MYOM1: variants seen among roughly 807,000 people sequenced by gnomAD.
The protein encoded by MYOM1 is myomesin 1.
MYOM1 carries 164 observed loss-of-function variants against 205.3 expected under a neutral mutation model. The ratio of observed to expected loss-of-function variants is 0.80; its 90% CI spans 0.70 to 0.91. The LOEUF (loss-of-function observed/expected upper bound fraction) is 0.91, where lower values mean the gene tolerates loss of function less well. Among genes scored for constraint, MYOM1 ranks in the 40% least tolerant of loss-of-function variants. MYOM1 has a pLI of 0.00. For missense variants in MYOM1, 2,011 were observed against 2,127.3 expected (o/e 0.95, Z 1.08); for synonymous variants, 772 against 789.4 (o/e 0.98, Z 0.37).
rs148266515 is a variant in MYOM1 at position 3,085,193 on chromosome 18, AT to A, written c.4252-62del. 227,139 of 498,456 alleles carry A rather than the reference AT, an allele frequency of 0.46. 43,649 individuals carry two copies. The highest frequency in any genetic ancestry group is 0.59 in the East Asian group (9,869 of 16,838). The allele number at this position is 498,456 out of a possible 1,614,324, so 30.9% of individuals were successfully genotyped here. The stretch of plus-strand genomic sequence containing the variant: ...GTAGCCCCAGGGCACGGTATCTGTG[AT>A]TTTTTTTTTTCTTCTGCTTCTTCTG... On this transcript the variant is annotated intron_variant, in intron 30 of 37. Coordinates refer to ENST00000356443, the MANE Select transcript of MYOM1 (RefSeq NM_003803.4).
intron 20 of MYOM1, among the ~76,000 whole-genome samples, chr18:3,118,154 CT>C (rs2079632664): frequency 6.6e-6 from 1 of 152,162 alleles, no homozygotes; most frequent in East Asian, 1.9e-4. Context: ...ATTTTTTCAT[CT>C]GTAAAACAGG....
intron 2 of MYOM1, among the ~76,000 whole-genome samples, chr18:3,196,881 A>C (rs1287742217): frequency 2.0e-5 from 3 of 152,246 alleles, no homozygotes; most frequent in African/African-American, 4.8e-5. Context: ...AGAAAATATC[A>C]TAACCACCTA....
At chr18:3,191,191 C>T (rs1314562847) in intron 3 of MYOM1, among the ~76,000 whole-genome samples, 4 of 152,148 alleles carry the variant, frequency 2.6e-5, no homozygotes, top group Admixed American at 2.6e-4. Flanking sequence ...CGGTACTCTG[C>T]GAATCTCTGA....
upstream of MYOM1, among the ~76,000 whole-genome samples, chr18:3,224,632 T>C (rs1198194870): frequency 1.3e-5 from 2 of 152,172 alleles, no homozygotes; most frequent in African/African-American, 4.8e-5. Context: ...TGTGAAATGC[T>C]CCACTCATGG....
chr18:3,100,237 A>T (rs1396544720), intron 24 of MYOM1, 34 bp from the exon 25 acceptor site: 1 of 1,613,870 alleles, frequency 6.2e-7, no homozygotes. Context: ...TTAAACCTTA[A>T]ACTACTAAAA....
At chr18:3,231,168 T>G in the MYOM1 span, among the ~76,000 whole-genome samples, 1 of 152,232 alleles carries the variant, frequency 6.6e-6, no homozygotes, top group African/African-American at 2.4e-5. Context: ...GTGAATGGCC[T>G]GGGCCAAAAA....
At chr18:3,214,855 C>A in intron 2 of MYOM1, 79 bp downstream of exon 2, 1 of 1,452,916 alleles carries the variant, frequency 6.9e-7, no homozygotes, top group Non-Finnish European at 9.1e-7. Flanking sequence ...CGAAACAAAG[C>A]GAGAAGTAAC....
intron 2 of MYOM1, among the ~76,000 whole-genome samples, chr18:3,195,854 TTTTC>T (rs1023544740): frequency 2.6e-5 from 4 of 152,190 alleles, no homozygotes; most frequent in African/African-American, 9.6e-5. Flanking sequence ...CTGCTTTTTT[TTTTC>T]TTTATGTCCT....
At position 3,154,929 on chromosome 18, in the gene MYOM1, G is replaced by A. The variant is rs1191582060; in HGVS notation, c.1643+18C>T. Reference sequence around the variant, plus strand: ...CTATGACCAAATAACTGTAATTGATGTTAGCCTAAGCACTAACTTATCAAT... The same window carrying A: ...CTATGACCAAATAACTGTAATTGATATTAGCCTAAGCACTAACTTATCAAT... On this transcript the variant is annotated intron_variant, in intron 11 of 37. Coordinates refer to ENST00000356443, the MANE Select transcript of MYOM1 (RefSeq NM_003803.4). The A allele has an allele frequency of 6.2e-7, 1 of 1,605,358 alleles. No individual in the cohort carries two copies.
chr18:3,157,183 C>T (rs1242931948), intron 10 of MYOM1, among the ~76,000 whole-genome samples: 1 of 152,186 alleles, frequency 6.6e-6, no homozygotes, highest in Non-Finnish European at 1.5e-5. Flanking sequence ...GGCATAGATG[C>T]ACGATGGCAG....
intron 4 of MYOM1, among the ~76,000 whole-genome samples, chr18:3,188,046 T>G (rs2080846399): frequency 6.6e-6 from 1 of 151,808 alleles, no homozygotes; most frequent in African/African-American, 2.4e-5. Context: ...TTTCACCATG[T>G]TGGCTAGGCT....
chr18:3,197,736 G>C lies in MYOM1; in HGVS notation c.291-3778C>G, dbSNP rs1357112060. 2.6e-5 allele frequency among the ~76,000 whole-genome samples: 4 copies of C among 151,970 alleles called. No homozygotes were observed. The East Asian group carries it at 7.8e-4, about 30-fold the overall frequency. On this transcript the variant is annotated intron_variant, in intron 2 of 37. Coordinates refer to ENST00000356443, the MANE Select transcript of MYOM1 (RefSeq NM_003803.4). Reference sequence around the variant, plus strand: ...AAAATACAAAAAATTAGCTGGGCATGGTGGCAGGCGCCTGTGGTCCCAGCT... The same window carrying C: ...AAAATACAAAAAATTAGCTGGGCATCGTGGCAGGCGCCTGTGGTCCCAGCT...
intron 2 of MYOM1, among the ~76,000 whole-genome samples, chr18:3,200,842 C>A (rs1457530090): frequency 6.6e-6 from 1 of 151,998 alleles, no homozygotes; most frequent in African/African-American, 2.4e-5. Context: ...ACTAAAGCTT[C>A]CAAAATTTGA....
intron 23 of MYOM1, among the ~76,000 whole-genome samples, chr18:3,101,684 CT>C (rs748435098): frequency 1.3e-5 from 2 of 152,130 alleles, no homozygotes; most frequent in Non-Finnish European, 1.5e-5. Context: ...TCCTAGCCCC[CT>C]ATAAGTATCC....
intron 22 of MYOM1, among the ~76,000 whole-genome samples, chr18:3,110,499 C>G (rs989215669): frequency 6.6e-6 from 1 of 152,188 alleles, no homozygotes; most frequent in Non-Finnish European, 1.5e-5. Context: ...GTCACACTCA[C>G]TGGCAAACAT....
chr18:3,147,345 A>C (rs894558772), intron 13 of MYOM1, among the ~76,000 whole-genome samples: 1 of 151,804 alleles, frequency 6.6e-6, no homozygotes, highest in Admixed American at 6.6e-5. Context: ...CTGCTCACTA[A>C]AACTACTACT....
intron 4 of MYOM1, 67 bp from the exon 5 acceptor site, chr18:3,187,704 C>T (rs906315671): frequency 7.0e-7 from 1 of 1,434,190 alleles, no homozygotes; most frequent in Non-Finnish European, 9.3e-7. Context: ...AATTTTGGTG[C>T]TAAAATAACA....
chr18:3,109,130 G>A (rs1408251867), intron 22 of MYOM1, among the ~76,000 whole-genome samples: 4 of 151,452 alleles, frequency 2.6e-5, no homozygotes, highest in Non-Finnish European at 4.4e-5. Context: ...ACAGATGCCC[G>A]CCACACGCCC....
intron 34 of MYOM1, among the ~76,000 whole-genome samples, chr18:3,078,949 G>A (rs1356471931): frequency 1.3e-5 from 2 of 149,896 alleles, no homozygotes; most frequent in African/African-American, 4.9e-5. Flanking sequence ...TGGGACTACA[G>A]GTGTGTGCCA....
Sources: gnomAD v4.1 joint callset for allele counts (sites outside exome capture counted in the v4.1 genomes callset) on GRCh38, gnomAD v4.1.1 for gene constraint, MANE v1.5 for transcripts, NCBI Gene and HGNC (gene_info 2026-07-23, HGNC 2026-07-21) for gene names.